NBEA: variants seen among roughly 807,000 people sequenced by gnomAD.
NBEA encodes lysosomal-trafficking regulator 2.
Under a neutral mutation model 343.4 loss-of-function variants are expected in NBEA, and 44 were observed. The observed-to-expected ratio is 0.13, with a 90% CI of 0.10 to 0.16. The LOEUF (loss-of-function observed/expected upper bound fraction) is 0.16, where lower values mean the gene tolerates loss of function less well. Ranked by LOEUF, NBEA falls within the 10% of genes least tolerant of loss-of-function variation. The pLI is 1.00. For synonymous variants in NBEA, 1,175 were observed against 1,238.7 expected (o/e 0.95, Z 1.08); for missense variants, 2,555 against 3,631.3 (o/e 0.70, Z 7.62).
At chr13:35,005,340 A>AAACTCTC (rs1186322043) in intron 1 of NBEA, among the ~76,000 whole-genome samples, 1 of 151,836 alleles carries the variant, frequency 6.6e-6, no homozygotes, top group African/African-American at 2.4e-5. Context: ...CTTCTCTGTG[A>AAACTCTC]TGCAAACTCA....
Position 35,606,583 on chromosome 13 carries a change from G to C in NBEA, c.7449+5G>C, listed in dbSNP as rs2082288506. On this transcript the variant is annotated splice_donor_5th_base_variant and intron_variant, in intron 48 of 58. Transcript: ENST00000379939. ...TTTGTGCGGATCAACAGGATGGTAA[G>C]AGAGATTTTGCTTTTGCTTGGGCAG... 2 of 1,588,860 alleles carry C rather than the reference G, an allele frequency of 1.3e-6. No individual in the cohort carries two copies. Among genetic ancestry groups the C allele is most frequent in the Non-Finnish European group, 8.6e-7 (1 of 1,164,432 alleles).
chr13:35,450,665 A>C (rs2046265235), intron 39 of NBEA, among the ~76,000 whole-genome samples: 1 of 152,160 alleles, frequency 6.6e-6, no homozygotes, highest in Non-Finnish European at 1.5e-5. Flanking sequence ...CTAAAAATAT[A>C]ATACAACACC....
chr13:35,272,830 A>G (rs1277530400), intron 34 of NBEA, among the ~76,000 whole-genome samples: 2 of 152,216 alleles, frequency 1.3e-5, no homozygotes, highest in African/African-American at 2.4e-5. Flanking sequence ...CGTGCCCAAT[A>G]TAGGAGCACC....
At chr13:35,290,955 T>A (rs950572677) in intron 35 of NBEA, among the ~76,000 whole-genome samples, 1 of 151,786 alleles carries the variant, frequency 6.6e-6, no homozygotes, top group Non-Finnish European at 1.5e-5. Flanking sequence ...TCTAAAAATC[T>A]ACTTGAGCTG....
At chr13:35,513,441 G>A (rs1251964846) in intron 41 of NBEA, among the ~76,000 whole-genome samples, 12 of 150,462 alleles carry the variant, frequency 8.0e-5, no homozygotes, top group South Asian at 2.1e-4. Context: ...ATGAGCCACC[G>A]TGCCTGGCCT....
rs575006323 is a variant in NBEA at position 35,058,625 on chromosome 13, T to A, written c.1093-92T>A. The A allele has an allele frequency of 1.0e-4, 96 of 958,968 alleles. 2 individuals carry two copies. The South Asian group carries it at 1.4e-3, about 14-fold the overall frequency. 59.4% of individuals were successfully genotyped at this position (958,968 alleles called of 1,614,324 possible). ...TTCTTCTATTATTATTGTTATATTT[T>A]AAAATATTCATGATAATGAAGGCCG... On this transcript the variant is annotated intron_variant, in intron 7 of 58. Coordinates refer to ENST00000379939, the MANE Select transcript of NBEA (RefSeq NM_001385012.1).
At chr13:35,143,529 G>T (rs1466043432) in intron 18 of NBEA, among the ~76,000 whole-genome samples, 1 of 152,030 alleles carries the variant, frequency 6.6e-6, no homozygotes, top group Non-Finnish European at 1.5e-5. Flanking sequence ...GTTATACAAG[G>T]GCATTATAGT....
At chr13:35,112,829 A>G (rs1353088018) in intron 13 of NBEA, among the ~76,000 whole-genome samples, 1 of 152,130 alleles carries the variant, frequency 6.6e-6, no homozygotes. Context: ...TGTAGACATG[A>G]TACTCTGTCA....
chr13:35,576,393 C>T (rs1385361070), intron 45 of NBEA, among the ~76,000 whole-genome samples: 2 of 152,090 alleles, frequency 1.3e-5, no homozygotes, highest in Non-Finnish European at 2.9e-5. Context: ...GCTGGGATTA[C>T]AGGCATGAGC....
chr13:35,089,740 A>G (rs1336856331), intron 10 of NBEA, among the ~76,000 whole-genome samples: 1 of 147,382 alleles, frequency 6.8e-6, no homozygotes, highest in Admixed American at 6.8e-5. Flanking sequence ...ATAAAAAATG[A>G]TGAGTTCATG....
In NBEA at chr13:35,098,291, A is replaced by C; in HGVS notation, c.1572-6A>C. On this transcript the variant is annotated splice_polypyrimidine_tract_variant and splice_region_variant and intron_variant, in intron 10 of 58. Transcript: ENST00000379939. Reference sequence around the variant, plus strand: ...TTACATAATGATGTCTGTACTTTACATGCAGTGCTACTCTGTTGGCATTCC... The same window carrying C: ...TTACATAATGATGTCTGTACTTTACCTGCAGTGCTACTCTGTTGGCATTCC... The C allele has an allele frequency of 6.4e-7, 1 of 1,552,974 alleles. No homozygotes were observed. The highest frequency in any genetic ancestry group is 8.8e-7 in the Non-Finnish European group (1 of 1,140,558).
At chr13:35,023,770 C>T (rs1055285948) in intron 1 of NBEA, among the ~76,000 whole-genome samples, 1 of 152,164 alleles carries the variant, frequency 6.6e-6, no homozygotes, top group African/African-American at 2.4e-5. Flanking sequence ...CTTGAAGGAT[C>T]ATGAATGCTA....
chr13:35,539,016 T>C (rs937822353), intron 41 of NBEA, among the ~76,000 whole-genome samples: 2 of 152,212 alleles, frequency 1.3e-5, no homozygotes, highest in Non-Finnish European at 2.9e-5. Context: ...TTATAGACCA[T>C]GTAGATTAAT....
chr13:35,562,306 A>G (rs1593229335), intron 44 of NBEA, among the ~76,000 whole-genome samples: 1 of 152,206 alleles, frequency 6.6e-6, no homozygotes, highest in South Asian at 2.1e-4. Flanking sequence ...TCAGTTCCCA[A>G]ATTGACCTGA....
intron 38 of NBEA, among the ~76,000 whole-genome samples, chr13:35,380,454 TATA>T (rs550439401): frequency 2.0e-3 from 298 of 151,662 alleles, no homozygotes; most frequent in African/African-American, 6.2e-3. Context: ...TCTCAAAAAA[TATA>T]ATAATAATAA....
rs2084205638 is a variant in NBEA, at chr13:35,645,895, C to A, written c.7644C>A (p.Asp2548Glu). The change falls in exon 50 of 59, where the codon GAC (aspartate) becomes GAA (glutamate). Residue 2548 changes from aspartate to glutamate, a missense_variant. Transcript: ENST00000379939. ...TTCCAGAAGCTTATTTCATTAGAGACCCCCACACTTTCCTTCTTACAAAGG... is the reference window on the plus strand; with the variant it reads ...TTCCAGAAGCTTATTTCATTAGAGAACCCCACACTTTCCTTCTTACAAAGG... ...REIPEAYFIRDPHTFLLTKDF... is the reference protein window; with the variant it reads ...REIPEAYFIREPHTFLLTKDF... The A allele has an allele frequency of 1.3e-6, 2 of 1,577,896 alleles. No homozygotes were observed. The highest frequency in any genetic ancestry group is 1.7e-6 in the Non-Finnish European group (2 of 1,157,898).
rs749586981 is a variant in NBEA at position 35,159,518 on chromosome 13, G to A, written c.3347G>A (p.Gly1116Asp). ...CAGAACAATGTACATGGAAGTGTTGGTATCATTAAAAAAAATGAAGAAAAG... is the reference window on the plus strand; with the variant it reads ...CAGAACAATGTACATGGAAGTGTTGATATCATTAAAAAAAATGAAGAAAAG... ...KLQNNVHGSV[G>D]IIKKNEEKDN... is the part of the protein sequence containing the mutation. The change falls in exon 22 of 59, where the codon GGT (glycine) becomes GAT (aspartate). Residue 1116 changes from glycine (G) to aspartate (D), a missense_variant. By Grantham distance (94) the Gly-to-Asp change is moderately conservative. Around this residue, in one of 21 missense-constraint regions of NBEA, gnomAD observed 367 missense variants for 377.5 expected, o/e 0.97. Coordinates refer to ENST00000379939, the MANE Select transcript of NBEA (RefSeq NM_001385012.1). The A allele has an allele frequency of 6.2e-7, 1 of 1,612,860 alleles. No individual in the cohort carries two copies. The highest frequency in any genetic ancestry group is 1.7e-5 in the Admixed American group (1 of 59,830).
chr13:35,064,056 T>G (rs1414707445), intron 8 of NBEA, among the ~76,000 whole-genome samples: 1 of 152,012 alleles, frequency 6.6e-6, no homozygotes, highest in Admixed American at 6.6e-5. Context: ...GTTATGGACA[T>G]AGTTGTTTGA....
chr13:35,669,905 G>A (rs2085529029), intron 58 of NBEA, among the ~76,000 whole-genome samples: 1 of 151,942 alleles, frequency 6.6e-6, no homozygotes, highest in Non-Finnish European at 1.5e-5. Context: ...CTTAGAAGAG[G>A]CTCATCCATT....
Sources: allele counts gnomAD v4.1 joint callset (sites outside exome capture counted in the v4.1 genomes callset), GRCh38; gene constraint gnomAD v4.1.1; regional missense constraint gnomAD v4.1.1; transcripts MANE v1.5; gene names NCBI Gene and HGNC (gene_info 2026-07-23, HGNC 2026-07-21).